The following AZIN1 variants were observed in gnomAD, a reference collection of about 807,000 sequenced individuals.
AZIN1 encodes the protein ornithine decarboxylase antizyme inhibitor.
In AZIN1, 12 loss-of-function variants were observed where a neutral mutation model predicts 47.4. The ratio of observed to expected loss-of-function variants is 0.25; its 90% CI spans 0.16 to 0.41. AZIN1 has a LOEUF of 0.41. Among genes scored for constraint, AZIN1 ranks in the 10% least tolerant of loss-of-function variants. AZIN1 has a pLI of 1.00. For synonymous variants in AZIN1, 155 were observed against 176.3 expected (o/e 0.88, Z 0.96); for missense variants, 410 against 532.4 (o/e 0.77, Z 2.26).
At chr8:102,836,872 A>T (rs2131214515) in intron 5 of AZIN1, among the ~76,000 whole-genome samples, 1 of 152,308 alleles carries the variant, frequency 6.6e-6, no homozygotes, top group South Asian at 2.1e-4. Flanking sequence ...GCAGGTCTCT[A>T]ACTGGAAAAA....
Position 102,839,629 on chromosome 8 carries a change from TA to T in AZIN1, c.276+20del. The stretch of plus-strand genomic sequence containing the variant: ...AAATTATTCAATGTTTCAGTTTAGT[TA>T]AAAAATGAAAAATACTTACTTTACT... On this transcript the variant is annotated intron_variant, in intron 4 of 11. Coordinates refer to ENST00000337198, the MANE Select transcript of AZIN1 (RefSeq NM_148174.4). The T allele has an allele frequency of 6.7e-7, 1 of 1,500,978 alleles. No individual in the cohort carries two copies. The highest frequency in any genetic ancestry group is 2.2e-5 in the Admixed American group (1 of 45,952). 93.0% of individuals were successfully genotyped at this position (1,500,978 alleles called of 1,614,324 possible).
chr8:102,843,425 G>A, intron 3 of AZIN1, 126 bp downstream of exon 3: 1 of 737,850 alleles, frequency 1.4e-6, no homozygotes. Flanking sequence ...GGGGGAGGAA[G>A]GTCAAGTTAA....
intron 5 of AZIN1, 21 bp downstream of exon 5, chr8:102,838,723 A>G: frequency 3.1e-6 from 5 of 1,591,836 alleles, no homozygotes; most frequent in Non-Finnish European, 4.3e-6. Flanking sequence ...AATATTTTCA[A>G]GTACTTAATT....
intron 5 of AZIN1, among the ~76,000 whole-genome samples, chr8:102,837,572 C>T (rs1262293857): frequency 6.6e-6 from 1 of 152,112 alleles, no homozygotes; most frequent in Non-Finnish European, 1.5e-5. Flanking sequence ...AAGAAGATGC[C>T]AGTCCACAAT....
intron 3 of AZIN1, among the ~76,000 whole-genome samples, chr8:102,840,616 G>T (rs1812119240): frequency 1.3e-5 from 2 of 152,208 alleles, no homozygotes; most frequent in Non-Finnish European, 2.9e-5. Flanking sequence ...GCCTGAATAA[G>T]AATAATCTTC....
chr8:102,853,626 G>A (rs1192451906), intron 2 of AZIN1, among the ~76,000 whole-genome samples: 3 of 152,296 alleles, frequency 2.0e-5, no homozygotes, highest in Non-Finnish European at 4.4e-5. Flanking sequence ...CCATTAATAT[G>A]CTAGTATTCA....
intron 9 of AZIN1, among the ~76,000 whole-genome samples, chr8:102,831,666 A>T (rs1368521383): frequency 1.3e-5 from 2 of 148,742 alleles, no homozygotes; most frequent in Admixed American, 6.7e-5. Flanking sequence ...AAAAAAAATC[A>T]TAAGGCCAGG....
intron 2 of AZIN1, among the ~76,000 whole-genome samples, chr8:102,851,372 T>G (rs1274586585): frequency 6.6e-6 from 1 of 152,192 alleles, no homozygotes. Flanking sequence ...ACATGTGCAA[T>G]ACAGTAATTG....
rs778645603 is a variant in AZIN1, at chr8:102,829,926, G to A, written c.915C>T (p.Thr305=). The part of the protein sequence containing the change: ...NDKFPSGVEK[T]GSDEPAFMYY... ...ACATGAAGGCTGGTTCATCACTTCCGGTTTTTTCTACTGGAATAAAACAGG... is the reference window on the plus strand; with the variant it reads ...ACATGAAGGCTGGTTCATCACTTCCAGTTTTTTCTACTGGAATAAAACAGG... The change falls in exon 10 of 12, where the codon ACC becomes ACT. Residue 305 remains threonine, a synonymous_variant. Coordinates refer to ENST00000337198, the MANE Select transcript of AZIN1 (RefSeq NM_148174.4). 37 of 1,596,910 alleles carry A rather than the reference G, an allele frequency of 2.3e-5. No individual in the cohort carries two copies. Among genetic ancestry groups the A allele is most frequent in the Admixed American group, 3.5e-5 (2 of 57,530 alleles).
In AZIN1 at chr8:102,843,570, T is replaced by C. The variant is rs1456391137; in HGVS notation, c.83A>G (p.Tyr28Cys). The change falls in exon 3 of 12, where the codon TAT (tyrosine) becomes TGT (cysteine). Residue 28 changes from tyrosine (Y) to cysteine (C), a missense_variant. Physicochemically the swap from Tyr to Cys is radical, Grantham distance 194. Transcript: ENST00000337198. ...GTNLGNVIDN[Y>C]VYEHTLTGKN... ...ACTTACCAGGGTATGTTCATAAACATAGTTATCAATAACATTTCCAAGGTT... is the reference window on the plus strand; with the variant it reads ...ACTTACCAGGGTATGTTCATAAACACAGTTATCAATAACATTTCCAAGGTT... The C allele has an allele frequency of 1.9e-6, 3 of 1,613,886 alleles. No individual in the cohort carries two copies. In the Admixed American group the frequency reaches 5.0e-5, roughly 27 times the overall value.
chr8:102,830,523 C>T (rs1232101940), intron 9 of AZIN1, among the ~76,000 whole-genome samples: 1 of 150,824 alleles, frequency 6.6e-6, no homozygotes, highest in Non-Finnish European at 1.5e-5. Context: ...CTTTTCAAAT[C>T]AGCAAGGGGA....
intron 3 of AZIN1, among the ~76,000 whole-genome samples, chr8:102,842,364 C>T (rs1025442349): frequency 2.0e-5 from 3 of 150,896 alleles, no homozygotes; most frequent in African/African-American, 4.9e-5. Context: ...GTTGGTCAGG[C>T]GTTCAATACC....
intron 5 of AZIN1, 47 bp downstream of exon 5, chr8:102,838,697 C>T (rs1811978699): frequency 1.3e-6 from 2 of 1,498,700 alleles, no homozygotes; most frequent in Non-Finnish European, 1.8e-6. Context: ...CAAACCCAAC[C>T]CTCTAAGTGC....
intron 2 of AZIN1, among the ~76,000 whole-genome samples, chr8:102,849,564 T>C (rs1450895383): frequency 6.6e-6 from 1 of 152,220 alleles, no homozygotes; most frequent in Non-Finnish European, 1.5e-5. Flanking sequence ...ATGTAAATCT[T>C]AGATTCTCTT....
chr8:102,853,886 A>G (rs1326130146), intron 2 of AZIN1, among the ~76,000 whole-genome samples: 1 of 151,986 alleles, frequency 6.6e-6, no homozygotes, highest in African/African-American at 2.4e-5. Flanking sequence ...GGGAGAAAAG[A>G]AAAAAAAGTA....
intron 2 of AZIN1, among the ~76,000 whole-genome samples, chr8:102,847,144 A>T: frequency 6.6e-6 from 1 of 152,114 alleles, no homozygotes; most frequent in East Asian, 1.9e-4. Flanking sequence ...AATAAAATTC[A>T]TTTGCTATAT....
In AZIN1 at chr8:102,833,040, A is replaced by G. The variant is rs750160526; in HGVS notation, c.904+16T>C. The G allele has an allele frequency of 6.9e-6, 11 of 1,583,346 alleles. No homozygotes were observed. In the South Asian group the frequency reaches 7.8e-5, roughly 11 times the overall value. ...TATCTACCAACAAAAATAAAACTATAAACTTTATAACTTACCTCCAGAGGG... is the reference window on the plus strand; with the variant it reads ...TATCTACCAACAAAAATAAAACTATGAACTTTATAACTTACCTCCAGAGGG... On this transcript the variant is annotated intron_variant, in intron 9 of 11. Coordinates refer to ENST00000337198, the MANE Select transcript of AZIN1 (RefSeq NM_148174.4).
chr8:102,847,350 T>TAAA (rs34083752), intron 2 of AZIN1, among the ~76,000 whole-genome samples: 1 of 133,738 alleles, frequency 7.5e-6, no homozygotes, highest in Non-Finnish European at 1.6e-5. Flanking sequence ...ACCCATCTCT[T>TAAA]AAAAAAAAAA....
chr8:102,828,381 T>TCC lies in AZIN1; in HGVS notation c.*184_*185dup. On this transcript the variant is annotated 3_prime_UTR_variant, in exon 12 of 12. Transcript: ENST00000337198. ...TAAATCTGGATACATTATCTAAATC[T>TCC]CCCATTATCCCCAATGAATTATAGA... 2 of 456,760 alleles carry TCC rather than the reference T, an allele frequency of 4.4e-6. No individual in the cohort carries two copies. Among genetic ancestry groups the TCC allele is most frequent in the African/African-American group, 4.0e-5 (2 of 50,218 alleles). The allele number at this position is 456,760 out of a possible 1,614,324, so 28.3% of individuals were successfully genotyped here.
Sources: allele counts gnomAD v4.1 joint callset (sites outside exome capture counted in the v4.1 genomes callset), GRCh38; gene constraint gnomAD v4.1.1; transcripts MANE v1.5; gene names NCBI Gene and HGNC (gene_info 2026-07-23, HGNC 2026-07-21).